NDST3: variants seen among roughly 807,000 people sequenced by gnomAD.
The protein encoded by NDST3 is bifunctional heparan sulfate N-deacetylase/N-sulfotransferase 3.
In NDST3, 58 loss-of-function variants were observed where a neutral mutation model predicts 96.1. The observed-to-expected ratio is 0.60, with a 90% confidence interval of 0.49 to 0.75. The LOEUF is 0.75. NDST3 is among the 30% of genes least tolerant of loss of function. The probability of loss-of-function intolerance (pLI) is 0.00; values close to 1 mark genes in which losing one functional copy is unlikely to be tolerated. For synonymous variants in NDST3, 333 were observed against 359.7 expected (o/e 0.93, Z 0.84); for missense variants, 788 against 1,034.2 (o/e 0.76, Z 3.27).
At chr4:118,250,823 C>T (rs1004691166) in intron 12 of NDST3, among the ~76,000 whole-genome samples, 1 of 151,882 alleles carries the variant, frequency 6.6e-6, no homozygotes, top group Non-Finnish European at 1.5e-5. Flanking sequence ...ATATTTTTAT[C>T]TTTTATAGTG....
At chr4:118,078,309 G>A (rs141897236) in intron 2 of NDST3, among the ~76,000 whole-genome samples, 2,108 of 152,244 alleles carry the variant, frequency 0.014, 22 homozygotes, top group Middle Eastern at 0.075. Context: ...CACGTGAACT[G>A]CTTCTAGTCT....
intron 4 of NDST3, among the ~76,000 whole-genome samples, chr4:118,124,672 T>C (rs1468158526): frequency 2.0e-5 from 3 of 152,042 alleles, no homozygotes; most frequent in Non-Finnish European, 2.9e-5. Flanking sequence ...GGTTTGGCTA[T>C]TTTGAGATAT....
chr4:118,185,399 G>C (rs947108515), intron 6 of NDST3, among the ~76,000 whole-genome samples: 1 of 151,084 alleles, frequency 6.6e-6, no homozygotes, highest in South Asian at 2.1e-4. Context: ...ATAAATGCTT[G>C]TAAATTAAAG....
At chr4:118,135,047 C>T (rs534537900) in intron 4 of NDST3, among the ~76,000 whole-genome samples, 2 of 152,182 alleles carry the variant, frequency 1.3e-5, no homozygotes, top group South Asian at 2.1e-4. Context: ...GTCTGCCTTC[C>T]GGATCACACT....
chr4:118,221,909 A>C (rs1194668601), intron 6 of NDST3, among the ~76,000 whole-genome samples: 2 of 151,846 alleles, frequency 1.3e-5, no homozygotes, highest in Non-Finnish European at 2.9e-5. Flanking sequence ...TTATAAATGC[A>C]ATTGTCACTT....
chr4:118,188,863 A>T (rs1168099366), intron 6 of NDST3, among the ~76,000 whole-genome samples: 2 of 152,152 alleles, frequency 1.3e-5, no homozygotes, highest in Non-Finnish European at 2.9e-5. Context: ...CATCAGAATT[A>T]AGCAATTAAC....
chr4:118,050,224 A>C (rs928538798), intron 1 of NDST3, among the ~76,000 whole-genome samples: 2 of 152,228 alleles, frequency 1.3e-5, no homozygotes, highest in East Asian at 3.9e-4. Flanking sequence ...CATTAAAGGA[A>C]CATATCTTAA....
At chr4:118,038,578 C>T (rs1023431337) in intron 1 of NDST3, among the ~76,000 whole-genome samples, 1 of 152,180 alleles carries the variant, frequency 6.6e-6, no homozygotes, top group African/African-American at 2.4e-5. Context: ...TAACATGACA[C>T]AATTTCACAC....
chr4:118,236,974 C>T (rs2126003194), intron 9 of NDST3, 72 bp from the exon 10 acceptor site: 1 of 1,193,104 alleles, frequency 8.4e-7, no homozygotes, highest in Non-Finnish European at 1.1e-6. Context: ...TTGTGGGACA[C>T]TTTTAACATC....
chr4:118,154,156 A>T (rs576679459), intron 6 of NDST3, among the ~76,000 whole-genome samples: 157 of 152,258 alleles, frequency 1.0e-3, no homozygotes, highest in African/African-American at 3.5e-3. Flanking sequence ...ATGTACATAA[A>T]ATGGAATTAT....
chr4:118,220,306 A>G (rs1361295069), intron 6 of NDST3, among the ~76,000 whole-genome samples: 2 of 151,810 alleles, frequency 1.3e-5, no homozygotes, highest in Admixed American at 6.6e-5. Context: ...GTCCTTGGCA[A>G]GGACATGAAG....
chr4:118,035,768 G>C lies in NDST3; in HGVS notation c.-156+1176G>C, dbSNP rs182893055. Among the ~76,000 whole-genome samples the C allele has an allele frequency of 4.6e-5, 7 of 151,714 alleles. No homozygotes were observed. The East Asian group carries it at 1.4e-3, about 29-fold the overall frequency. On this transcript the variant is annotated intron_variant, in intron 1 of 13. Transcript: ENST00000296499. ...TGTTATCATTTTTCTTTATCATCTT[G>C]ATGGTAAAACAGAAGATTTGTTTCT...
In NDST3 at chr4:118,255,533, A is replaced by C. The variant is rs966303120; in HGVS notation, c.2503-60A>C. 3 of 1,500,854 alleles carry C rather than the reference A, an allele frequency of 2.0e-6. No individual in the cohort carries two copies. In the African/African-American group the frequency reaches 4.2e-5, roughly 21 times the overall value. The allele number at this position is 1,500,854 out of a possible 1,614,324, so 93.0% of individuals were successfully genotyped here. The stretch of plus-strand genomic sequence containing the variant: ...CTTGGTACTTATTTCAACGTAGTCA[A>C]AGTGTATGAAATGTAATAAACAAAA... On this transcript the variant is annotated intron_variant, in intron 13 of 13. Transcript: ENST00000296499.
intron 5 of NDST3, among the ~76,000 whole-genome samples, chr4:118,141,546 T>A (rs966796186): frequency 6.6e-6 from 1 of 152,182 alleles, no homozygotes; most frequent in Non-Finnish European, 1.5e-5. Context: ...ATTTGAGAAA[T>A]AGACAAAATT....
intron 2 of NDST3, 195 bp downstream of exon 2, chr4:118,055,086 T>A (rs1351257810): frequency 2.8e-6 from 2 of 702,556 alleles, no homozygotes; most frequent in South Asian, 3.6e-5. Flanking sequence ...AAAATAAAGA[T>A]TTTACTAAAA....
intron 13 of NDST3, among the ~76,000 whole-genome samples, 199 bp downstream of exon 13, chr4:118,253,800 AAAC>A (rs1741926352): frequency 6.6e-6 from 1 of 152,222 alleles, no homozygotes; most frequent in African/African-American, 2.4e-5. Context: ...GAATAAAGGA[AAAC>A]AATAGAATTC....
rs1033378076 is a variant in NDST3 at position 118,258,104 on chromosome 4, T to C, written c.*2392T>C. 3 of 152,144 alleles carry C rather than the reference T, an allele frequency of 2.0e-5. No homozygotes were observed. The highest frequency in any genetic ancestry group is 4.8e-5 in the African/African-American group (2 of 41,416). 9.4% of individuals were successfully genotyped at this position (152,144 alleles called of 1,614,324 possible). ...GCCTATTTTGTTTAGGTAAATCGAG[T>C]TGACTGAACACTTCATCCTTTTAAA... On this transcript the variant is annotated 3_prime_UTR_variant, in exon 14 of 14. Coordinates refer to ENST00000296499, the MANE Select transcript of NDST3 (RefSeq NM_004784.3).
At chr4:118,116,720 T>TG (rs973163360) in intron 4 of NDST3, among the ~76,000 whole-genome samples, 16 of 151,990 alleles carry the variant, frequency 1.1e-4, no homozygotes, top group Non-Finnish European at 2.2e-4. Context: ...TAGCCAGGTG[T>TG]GGTGGCGGGC....
At chr4:118,163,776 A>G (rs1735362507) in intron 6 of NDST3, among the ~76,000 whole-genome samples, 1 of 152,166 alleles carries the variant, frequency 6.6e-6, no homozygotes, top group Admixed American at 6.6e-5. Flanking sequence ...ATAAAATAAG[A>G]AAAATGTAAA....
Sources: gnomAD v4.1 joint callset for allele counts (sites outside exome capture counted in the v4.1 genomes callset) on GRCh38, gnomAD v4.1.1 for gene constraint, MANE v1.5 for transcripts, NCBI Gene and HGNC (gene_info 2026-07-23, HGNC 2026-07-21) for gene names.